The following SLC25A26 variants were observed in gnomAD, a reference collection of about 807,000 sequenced individuals.
The protein encoded by SLC25A26 is mitochondrial S-adenosylmethionine carrier protein.
Under a neutral mutation model 37.8 loss-of-function variants are expected in SLC25A26, and 36 were observed. The ratio of observed to expected loss-of-function variants is 0.95; its 90% CI spans 0.73 to 1.26. SLC25A26 has a LOEUF of 1.26. Ranked by LOEUF, SLC25A26 falls within the 50% of genes most tolerant of loss-of-function variation. SLC25A26 has a pLI of 0.00. For synonymous variants in SLC25A26, 129 were observed against 122.5 expected (o/e 1.05, Z -0.35); for missense variants, 390 against 331.1 (o/e 1.18, Z -1.38).
At chr3:66,352,516 T>A (rs1401380133) in intron 6 of SLC25A26, among the ~76,000 whole-genome samples, 2 of 151,892 alleles carry the variant, frequency 1.3e-5, no homozygotes, top group Non-Finnish European at 2.9e-5. Context: ...TCTTCCTTCA[T>A]TCTATATACA....
At chr3:66,181,782 T>TG (rs1485792525) in intron 1 of SLC25A26, among the ~76,000 whole-genome samples, 3 of 142,878 alleles carry the variant, frequency 2.1e-5, no homozygotes, top group Non-Finnish European at 4.6e-5. Context: ...CCCCTTGTCT[T>TG]TTTTTTTTTT....
At chr3:66,303,791 CA>C (rs1353055757) in intron 5 of SLC25A26, among the ~76,000 whole-genome samples, 1 of 152,182 alleles carries the variant, frequency 6.6e-6, no homozygotes, top group Non-Finnish European at 1.5e-5. Context: ...CACTGTTTCA[CA>C]CAGTGACAGT....
intron 1 of SLC25A26, among the ~76,000 whole-genome samples, chr3:66,165,952 C>T (rs1160616791): frequency 2.0e-5 from 3 of 151,524 alleles, no homozygotes; most frequent in Non-Finnish European, 4.4e-5. Context: ...CCATCCCAAC[C>T]CCACAGACAG....
intron 1 of SLC25A26, among the ~76,000 whole-genome samples, chr3:66,145,291 C>A (rs990762043): frequency 2.0e-5 from 3 of 152,126 alleles, no homozygotes; most frequent in African/African-American, 4.8e-5. Flanking sequence ...TGTTCCCAGT[C>A]GTTCTGGTGG....
intron 5 of SLC25A26, among the ~76,000 whole-genome samples, chr3:66,276,567 A>T (rs2074154945): frequency 6.6e-6 from 1 of 152,148 alleles, no homozygotes; most frequent in Non-Finnish European, 1.5e-5. Context: ...TATTGATTTC[A>T]GCATCCTTTT....
chr3:66,156,935 C>T (rs191394998), intron 1 of SLC25A26, among the ~76,000 whole-genome samples: 2 of 152,200 alleles, frequency 1.3e-5, no homozygotes, highest in East Asian at 1.9e-4. Context: ...CGTCACCATC[C>T]TCAGAAACAA....
chr3:66,150,613 T>G (rs1237464066), intron 1 of SLC25A26, among the ~76,000 whole-genome samples: 5 of 31,840 alleles, frequency 1.6e-4, no homozygotes, highest in Admixed American at 2.7e-4. Flanking sequence ...GATATATATA[T>G]ATATATATAT....
intron 3 of SLC25A26, among the ~76,000 whole-genome samples, chr3:66,245,906 C>T (rs973156880): frequency 9.2e-5 from 14 of 152,128 alleles, no homozygotes; most frequent in Non-Finnish European, 1.2e-4. Flanking sequence ...CCTTTGCCAG[C>T]GTCCATTTTA....
intron 5 of SLC25A26, among the ~76,000 whole-genome samples, chr3:66,299,480 G>A (rs553873326): frequency 6.6e-4 from 101 of 152,274 alleles, no homozygotes; most frequent in African/African-American, 2.2e-3. Flanking sequence ...GTGAGCCGAT[G>A]TGCTTGGCAA....
At chr3:66,335,276 A>G (rs1286264442) in intron 5 of SLC25A26, among the ~76,000 whole-genome samples, 3 of 152,202 alleles carry the variant, frequency 2.0e-5, no homozygotes, top group African/African-American at 7.2e-5. Context: ...CTATTATCAT[A>G]AATAAGAATT....
chr3:66,249,552 C>A (rs561362083), intron 3 of SLC25A26, among the ~76,000 whole-genome samples: 1 of 152,222 alleles, frequency 6.6e-6, no homozygotes, highest in African/African-American at 2.4e-5. Context: ...TCTTCATGAT[C>A]TTCACTGGCC....
intron 5 of SLC25A26, among the ~76,000 whole-genome samples, chr3:66,299,039 C>T (rs1159719404): frequency 6.6e-6 from 1 of 151,894 alleles, no homozygotes; most frequent in East Asian, 1.9e-4. Flanking sequence ...GAAAAGGGAC[C>T]CTTGGTTTGT....
intron 1 of SLC25A26, among the ~76,000 whole-genome samples, chr3:66,187,933 C>T (rs1292653984): frequency 2.0e-5 from 3 of 152,058 alleles, no homozygotes; most frequent in Non-Finnish European, 4.4e-5. Flanking sequence ...AACTTTTATT[C>T]TCACCCTGAA....
At chr3:66,323,323 CTTAA>C (rs1242539413) in intron 5 of SLC25A26, among the ~76,000 whole-genome samples, 5 of 152,198 alleles carry the variant, frequency 3.3e-5, no homozygotes, top group Admixed American at 2.6e-4. Context: ...ATACTCTGGT[CTTAA>C]TTAATGTACT....
chr3:66,266,383 TTGTTTCAA>T (rs1158456434), intron 5 of SLC25A26, among the ~76,000 whole-genome samples: 3 of 152,340 alleles, frequency 2.0e-5, no homozygotes, highest in African/African-American at 7.2e-5. Context: ...AGCGTGTCTG[TTGTTTCAA>T]TAAGAAAATA....
chr3:66,311,305 T>G (rs1050340740), intron 5 of SLC25A26, among the ~76,000 whole-genome samples: 1 of 152,110 alleles, frequency 6.6e-6, no homozygotes, highest in African/African-American at 2.4e-5. Context: ...TGTGTATGCT[T>G]CACGAAATTC....
intron 5 of SLC25A26, among the ~76,000 whole-genome samples, chr3:66,286,260 A>G (rs1289235826): frequency 1.3e-5 from 2 of 152,040 alleles, no homozygotes; most frequent in Non-Finnish European, 2.9e-5. Context: ...ATCTCTAGGA[A>G]CTCTGCCTAA....
intron 1 of SLC25A26, among the ~76,000 whole-genome samples, chr3:66,230,365 A>T (rs1363647664): frequency 6.6e-6 from 1 of 152,178 alleles, no homozygotes; most frequent in East Asian, 1.9e-4. Flanking sequence ...GAAAATTGGG[A>T]AAGGCTTTAT....
At chr3:66,231,438 CT>C (rs1298559249) in intron 1 of SLC25A26, among the ~76,000 whole-genome samples, 1 of 151,680 alleles carries the variant, frequency 6.6e-6, no homozygotes, top group African/African-American at 2.4e-5. Flanking sequence ...CATTACAAAA[CT>C]TGAGCAAATA....
Sources: allele counts gnomAD v4.1 joint callset (sites outside exome capture counted in the v4.1 genomes callset), GRCh38; gene constraint gnomAD v4.1.1; transcripts MANE v1.5; gene names NCBI Gene and HGNC (gene_info 2026-07-23, HGNC 2026-07-21).